Variants in MTA3 observed in about 807,000 individuals in gnomAD.
The protein encoded by MTA3 is metastasis associated 1 family member 3.
MTA3 carries 34 observed loss-of-function variants against 83.5 expected under a neutral mutation model. The observed-to-expected ratio is 0.41, with a 90% CI of 0.31 to 0.54. The LOEUF (loss-of-function observed/expected upper bound fraction) is 0.54. MTA3 is among the 20% of genes least tolerant of loss of function. The probability of loss-of-function intolerance (pLI) is 0.33; values close to 1 mark genes in which losing one functional copy is unlikely to be tolerated. For missense variants in MTA3, 761 were observed against 726.4 expected, an observed-to-expected ratio of 1.05 and a Z score of -0.55; for synonymous variants, 303 against 252.7, an observed-to-expected ratio of 1.20 and a Z score of -1.89.
intron 3 of MTA3, among the ~76,000 whole-genome samples, chr2:42,605,697 G>A (rs1683225198): frequency 7.5e-6 from 1 of 132,548 alleles, no homozygotes; most frequent in African/African-American, 2.9e-5. Flanking sequence ...GGATGGGGCG[G>A]CTGGCCGGGC....
At chr2:42,608,581 T>C (rs1257964327) in intron 3 of MTA3, among the ~76,000 whole-genome samples, 1 of 152,190 alleles carries the variant, frequency 6.6e-6, no homozygotes, top group Non-Finnish European at 1.5e-5. Flanking sequence ...GCATTATATT[T>C]GATAAAATCC....
At chr2:42,729,013 C>T (rs1458795424) in intron 16 of MTA3, among the ~76,000 whole-genome samples, 1 of 148,076 alleles carries the variant, frequency 6.8e-6, no homozygotes, top group Non-Finnish European at 1.5e-5. Flanking sequence ...GGATATTACT[C>T]AAGAAATATT....
rs35633597 is a variant in MTA3, at chr2:42,664,466, C to CTTTTT, written c.702+4628_702+4632dup. On this transcript the variant is annotated intron_variant, in intron 8 of 16. Transcript: ENST00000405094. The stretch of plus-strand genomic sequence containing the variant: ...CCTACTACCCCCTCACCCCGCTTAC[C>CTTTTT]TTTTTTTTTTTTTTTTTTTTTTTTT... 1.1e-3 allele frequency among the ~76,000 whole-genome samples: 95 copies of CTTTTT among 85,758 alleles called. 41 individuals are homozygous for CTTTTT. Among genetic ancestry groups the CTTTTT allele is most frequent in the African/African-American group, 2.5e-3 (53 of 21,052 alleles). 56.3% of individuals were successfully genotyped at this position (85,758 alleles called of 152,430 possible). A position where few individuals can be genotyped will look rare whatever the true frequency, so the allele number is the denominator to read the frequency against.
intron 15 of MTA3, among the ~76,000 whole-genome samples, chr2:42,721,903 A>C (rs375762356): frequency 2.0e-5 from 3 of 152,202 alleles, no homozygotes; most frequent in South Asian, 4.2e-4. Context: ...GAGAAAAAAA[A>C]ATCACTTTTT....
intron 4 of MTA3, among the ~76,000 whole-genome samples, chr2:42,628,284 G>A (rs2104239701): frequency 6.6e-6 from 1 of 151,614 alleles, no homozygotes; most frequent in South Asian, 2.1e-4. Flanking sequence ...AGACTGGAGT[G>A]CAATGGCGTG....
At chr2:42,704,027 A>T in intron 11 of MTA3, 167 bp from the exon 12 acceptor site, 1 of 674,026 alleles carries the variant, frequency 1.5e-6, no homozygotes, top group Non-Finnish European at 2.4e-6. Flanking sequence ...AAAGATGAGT[A>T]GTGTGAGTTC....
intron 4 of MTA3, among the ~76,000 whole-genome samples, chr2:42,611,636 C>G (rs916282668): frequency 6.6e-5 from 10 of 151,980 alleles, no homozygotes; most frequent in African/African-American, 2.4e-4. Flanking sequence ...GTCAGTAGAG[C>G]AAGACCTTGT....
At chr2:42,659,020 C>G (rs1215138669) in intron 7 of MTA3, among the ~76,000 whole-genome samples, 1 of 151,570 alleles carries the variant, frequency 6.6e-6, no homozygotes, top group African/African-American at 2.4e-5. Context: ...ATTGTTTGAG[C>G]CCAGGAAGTT....
At chr2:42,559,526 T>G (rs1277009082) in intron 2 of MTA3, among the ~76,000 whole-genome samples, 1 of 151,146 alleles carries the variant, frequency 6.6e-6, no homozygotes, top group South Asian at 2.1e-4. Flanking sequence ...AAAATTTTGT[T>G]TTCCCATTTC....
intron 2 of MTA3, among the ~76,000 whole-genome samples, chr2:42,538,117 C>G (rs1295323997): frequency 6.6e-6 from 1 of 152,008 alleles, no homozygotes; most frequent in Non-Finnish European, 1.5e-5. Context: ...CCTGTAGTCC[C>G]AGCTACTCAG....
intron 14 of MTA3, among the ~76,000 whole-genome samples, chr2:42,711,335 T>C (rs1666591886): frequency 6.6e-6 from 1 of 152,176 alleles, no homozygotes; most frequent in African/African-American, 2.4e-5. Flanking sequence ...GTTCTAATTT[T>C]TTTCTCAATT....
chr2:42,732,985 T>C (rs1668339198), intron 16 of MTA3, among the ~76,000 whole-genome samples: 1 of 152,220 alleles, frequency 6.6e-6, no homozygotes, highest in African/African-American at 2.4e-5. Flanking sequence ...ATTCAGCAAG[T>C]CTGTAGGAAG....
At chr2:42,607,749 G>A (rs1031445688) in intron 3 of MTA3, among the ~76,000 whole-genome samples, 3 of 152,090 alleles carry the variant, frequency 2.0e-5, no homozygotes, top group Non-Finnish European at 4.4e-5. Context: ...TCAGGAGTTC[G>A]AGATCAGCCT....
Position 42,676,094 on chromosome 2 carries a change from CTGGTG to C in MTA3, c.703-6306_703-6302del, listed in dbSNP as rs1321553617. Reference sequence around the variant, plus strand: ...GTGCGCTTTGGAGGTTTCATATCTCCTGGTGAACAGTAATTCCAATGTATTCTTTC... The same window carrying C: ...GTGCGCTTTGGAGGTTTCATATCTCCAACAGTAATTCCAATGTATTCTTTC... On this transcript the variant is annotated intron_variant, in intron 8 of 16. Coordinates refer to ENST00000405094, the MANE Select transcript of MTA3 (RefSeq NM_001330442.2). Among the ~76,000 whole-genome samples, 5 of 152,286 alleles carry C rather than the reference CTGGTG, an allele frequency of 3.3e-5. No homozygotes were observed. The South Asian group carries it at 8.3e-4, about 25-fold the overall frequency.
intron 7 of MTA3, among the ~76,000 whole-genome samples, chr2:42,657,312 A>T (rs775553946): frequency 6.6e-6 from 1 of 152,122 alleles, no homozygotes; most frequent in South Asian, 2.1e-4. Flanking sequence ...GGACGATCCC[A>T]CTTTTTATTG....
chr2:42,683,977 A>G lies in MTA3; in HGVS notation c.891+1388A>G, dbSNP rs1244090304. On this transcript the variant is annotated intron_variant, in intron 9 of 16. Transcript: ENST00000405094. ...CTGAGGTATAATTGACAAGTAGAAA[A>G]TACATATTTTCAAGGTATACAATAT... Among the ~76,000 whole-genome samples the G allele has an allele frequency of 4.6e-5, 7 of 152,258 alleles. No homozygotes were observed. The South Asian group carries it at 1.0e-3, about 23-fold the overall frequency.
intron 14 of MTA3, among the ~76,000 whole-genome samples, chr2:42,717,827 A>G (rs185229349): frequency 3.9e-5 from 6 of 152,244 alleles, no homozygotes; most frequent in Admixed American, 6.5e-5. Context: ...ATGGCCAAGT[A>G]TGGCCCATCT....
rs67598721 is a variant in MTA3, at chr2:42,595,106, A to ATTTTTTT, written c.191-14337_191-14331dup. The stretch of plus-strand genomic sequence containing the variant: ...GGTAGTAAGGCTAAACAGGAGCTTC[A>ATTTTTTT]TTTTTTTTTTTTTTTTTTTTTGAGA... On this transcript the variant is annotated intron_variant, in intron 3 of 16. Coordinates refer to ENST00000405094, the MANE Select transcript of MTA3 (RefSeq NM_001330442.2). Among the ~76,000 whole-genome samples, 17 of 77,052 alleles carry ATTTTTTT rather than the reference A, an allele frequency of 2.2e-4. 1 individual carries two copies. The highest frequency in any genetic ancestry group is 2.9e-4 in the Non-Finnish European group (13 of 44,650). 50.5% of individuals were successfully genotyped at this position (77,052 alleles called of 152,430 possible). A position where few individuals can be genotyped will look rare whatever the true frequency, so the allele number is the denominator to read the frequency against.
At chr2:42,747,298 C>T (rs1412746632) in intron 16 of MTA3, among the ~76,000 whole-genome samples, 1 of 152,078 alleles carries the variant, frequency 6.6e-6, no homozygotes, top group Non-Finnish European at 1.5e-5. Context: ...CTGCGCCTGG[C>T]CCCCTGTTCA....
Sources: allele counts gnomAD v4.1 joint callset (sites outside exome capture counted in the v4.1 genomes callset), GRCh38; gene constraint gnomAD v4.1.1; transcripts MANE v1.5; gene names NCBI Gene and HGNC (gene_info 2026-07-23, HGNC 2026-07-21).